The following SLC39A11 variants were observed in gnomAD, a reference collection of about 807,000 sequenced individuals.
The protein encoded by SLC39A11 is solute carrier family 39 member 11.
Under a neutral mutation model 36.1 loss-of-function variants are expected in SLC39A11, and 33 were observed. That is an observed-to-expected ratio of 0.91 (90% CI 0.69 to 1.22). SLC39A11 has a LOEUF of 1.22. Among genes scored for constraint, SLC39A11 ranks in the 50% most tolerant of loss-of-function variants. The pLI is 0.00. For synonymous variants in SLC39A11, 166 were observed against 170.3 expected (o/e 0.97, Z 0.20); for missense variants, 432 against 430.3 (o/e 1.00, Z -0.03).
At chr17:72,957,494 T>C (rs994897139) in intron 4 of SLC39A11, among the ~76,000 whole-genome samples, 1 of 152,190 alleles carries the variant, frequency 6.6e-6, no homozygotes, top group Non-Finnish European at 1.5e-5. Flanking sequence ...CAAGGATACA[T>C]TCTTAGAGGT....
chr17:72,669,044 A>G (rs1224375029), intron 7 of SLC39A11, among the ~76,000 whole-genome samples: 1 of 152,246 alleles, frequency 6.6e-6, no homozygotes, highest in Non-Finnish European at 1.5e-5. Flanking sequence ...GACATTGGGA[A>G]TGTTAAGAAA....
chr17:72,979,069 A>T (rs1214414861), intron 4 of SLC39A11, among the ~76,000 whole-genome samples: 1 of 152,114 alleles, frequency 6.6e-6, no homozygotes, highest in Non-Finnish European at 1.5e-5. Context: ...CAAGGGAGAG[A>T]CCACGCGGAG....
chr17:72,701,037 C>T (rs2072587996), intron 7 of SLC39A11, among the ~76,000 whole-genome samples: 1 of 152,258 alleles, frequency 6.6e-6, no homozygotes, highest in African/African-American at 2.4e-5. Flanking sequence ...AACCTGCAGC[C>T]TGAAGCTCCA....
chr17:72,907,320 T>C (rs1311569789), intron 5 of SLC39A11, among the ~76,000 whole-genome samples: 1 of 152,096 alleles, frequency 6.6e-6, no homozygotes, highest in Non-Finnish European at 1.5e-5. Context: ...TGAAACCCTG[T>C]CTCTACTAAA....
chr17:72,691,428 A>G (rs73349440), intron 7 of SLC39A11, among the ~76,000 whole-genome samples: 3,513 of 152,264 alleles, frequency 0.023, 132 homozygotes, highest in African/African-American at 0.079. Context: ...TAATCACCTG[A>G]TAACTAATGG....
chr17:72,801,235 G>A (rs2077074724), intron 6 of SLC39A11, among the ~76,000 whole-genome samples: 1 of 152,148 alleles, frequency 6.6e-6, no homozygotes, highest in African/African-American at 2.4e-5. Flanking sequence ...CTTTTCTTTT[G>A]TTTGAGACGG....
At chr17:72,905,371 G>A (rs1340372387) in intron 5 of SLC39A11, among the ~76,000 whole-genome samples, 10 of 151,008 alleles carry the variant, frequency 6.6e-5, no homozygotes, top group Admixed American at 4.6e-4. Context: ...CAAGGCAGGC[G>A]GATCACCTGA....
chr17:72,964,547 G>C (rs1350452335), intron 4 of SLC39A11, among the ~76,000 whole-genome samples: 2 of 152,206 alleles, frequency 1.3e-5, no homozygotes, highest in Admixed American at 6.5e-5. Context: ...AGAAGAAATT[G>C]AAGTAAAAGA....
chr17:72,945,885 G>A (rs1464174908), intron 5 of SLC39A11, among the ~76,000 whole-genome samples: 1 of 152,100 alleles, frequency 6.6e-6, no homozygotes, highest in Non-Finnish European at 1.5e-5. Flanking sequence ...TTTTTTGACT[G>A]ACAGGCACTG....
At chr17:72,727,733 C>T (rs1482321216) in intron 7 of SLC39A11, among the ~76,000 whole-genome samples, 4 of 151,960 alleles carry the variant, frequency 2.6e-5, no homozygotes, top group African/African-American at 9.7e-5. Flanking sequence ...TGAGAGTCTT[C>T]CTAATTCAGG....
At chr17:73,037,024 C>T (rs2058943324) in intron 3 of SLC39A11, among the ~76,000 whole-genome samples, 1 of 117,114 alleles carries the variant, frequency 8.5e-6, no homozygotes, top group South Asian at 2.9e-4. Flanking sequence ...GTTTTTAATG[C>T]ATTTAAGATT....
intron 3 of SLC39A11, among the ~76,000 whole-genome samples, chr17:73,068,584 G>A (rs1349532747): frequency 1.3e-5 from 2 of 152,112 alleles, no homozygotes; most frequent in East Asian, 1.9e-4. Flanking sequence ...AAGGCAGAAC[G>A]GTGATGCCAA....
intron 7 of SLC39A11, among the ~76,000 whole-genome samples, chr17:72,703,992 G>T (rs956045541): frequency 2.0e-5 from 3 of 152,204 alleles, no homozygotes; most frequent in African/African-American, 7.2e-5. Flanking sequence ...GCCGGGCATG[G>T]TGGCATGCGC....
chr17:72,823,246 T>C (rs1174770205), intron 6 of SLC39A11, among the ~76,000 whole-genome samples: 2 of 151,252 alleles, frequency 1.3e-5, no homozygotes, highest in African/African-American at 4.8e-5. Flanking sequence ...AACTTTGACC[T>C]TGAGGCATGA....
chr17:72,942,436 CA>C, intron 5 of SLC39A11, among the ~76,000 whole-genome samples: 1 of 152,120 alleles, frequency 6.6e-6, no homozygotes. Context: ...GAGATCTTAC[CA>C]ATAAAAAGTC....
At chr17:72,921,912 A>G (rs142024409) in intron 5 of SLC39A11, among the ~76,000 whole-genome samples, 195 of 152,346 alleles carry the variant, frequency 1.3e-3, no homozygotes, top group African/African-American at 4.5e-3. Context: ...CTTAGAAGCT[A>G]CAAATAACAG....
chr17:73,037,195 T>TG (rs2058949050), intron 3 of SLC39A11, among the ~76,000 whole-genome samples: 1 of 152,236 alleles, frequency 6.6e-6, no homozygotes, highest in African/African-American at 2.4e-5. Context: ...AACACCCGTG[T>TG]GCAGGTATTG....
At position 73,075,667 on chromosome 17, in the gene SLC39A11, A is replaced by G. The variant is rs113100994; in HGVS notation, c.147+9141T>C. 8.5e-5 allele frequency among the ~76,000 whole-genome samples: 13 copies of G among 152,320 alleles called. No homozygotes were observed. In the East Asian group the frequency reaches 2.5e-3, roughly 29 times the overall value. On this transcript the variant is annotated intron_variant, in intron 3 of 9. Transcript: ENST00000255559. ...AAGGAGTTTGAGACCAGCCTGGCCA[A>G]CATGGCGAAACTCCATCTCTACTAA... is the stretch of plus-strand genomic sequence containing the variant.
chr17:72,727,603 G>A (rs947334436), intron 7 of SLC39A11, among the ~76,000 whole-genome samples: 2 of 144,402 alleles, frequency 1.4e-5, no homozygotes, highest in African/African-American at 5.2e-5. Context: ...AGTGAGCTGA[G>A]ATCGTGCCAC....
Sources: allele counts gnomAD v4.1 joint callset (sites outside exome capture counted in the v4.1 genomes callset), GRCh38; gene constraint gnomAD v4.1.1; transcripts MANE v1.5; gene names NCBI Gene and HGNC (gene_info 2026-07-23, HGNC 2026-07-21).